FGD1: variants seen among roughly 807,000 people sequenced by gnomAD.
The protein encoded by FGD1 is FYVE, RhoGEF and PH domain containing 1, also known as FYVE, RhoGEF and PH domain-containing protein 1.
FGD1 carries 12 observed loss-of-function variants against 65.0 expected under a neutral mutation model. That is an observed-to-expected ratio of 0.18 (90% confidence interval 0.12 to 0.30). The LOEUF is 0.30. Ranked by LOEUF, FGD1 falls within the 10% of genes least tolerant of loss-of-function variation. The probability of loss-of-function intolerance (pLI) is 1.00; values close to 1 mark genes in which losing one functional copy is unlikely to be tolerated. For missense variants in FGD1, 542 were observed against 837.6 expected (o/e 0.65, Z 4.36); for synonymous variants, 333 against 343.9 (o/e 0.97, Z 0.35).
chrX:54,470,726 C>T lies in FGD1; in HGVS notation c.516G>A (p.Arg172=). The T allele has an allele frequency of 9.4e-7, 1 of 1,063,395 alleles. No homozygotes were observed. The highest frequency in any genetic ancestry group is 1.3e-6 in the Non-Finnish European group (1 of 788,750). 87.6% of individuals were successfully genotyped at this position (1,063,395 alleles called of 1,213,427 possible). The stretch of plus-strand genomic sequence containing the variant: ...GGATGGGCTCCAGTGGGGGGGGCAT[C>T]CGGGGCATCTGCAGGTAGCTGGGCT... The part of the protein sequence containing the change: ...PPKPSYLQMP[R]MPPPLEPIPP... The change falls in exon 3 of 18, where the codon CGG becomes CGA. Residue 172 remains arginine, a synonymous_variant. Transcript: ENST00000375135.
At chrX:54,486,676 C>T (rs893650134) in intron 1 of FGD1, among the ~76,000 whole-genome samples, 6 of 108,032 alleles carry the variant, frequency 5.6e-5, no homozygotes, top group African/African-American at 1.3e-4. Context: ...CCACCGTGCC[C>T]GGTCGATTTT....
At chrX:54,495,031 TC>T in intron 1 of FGD1, 94 bp downstream of exon 1, 3 of 969,489 alleles carry the variant, frequency 3.1e-6, no homozygotes, top group East Asian at 3.3e-5. Context: ...GCGAGCCTGT[TC>T]CGAGGTGGGG....
At chrX:54,447,284 A>C in intron 17 of FGD1, 27 bp downstream of exon 17, 1 of 1,210,049 alleles carries the variant, frequency 8.3e-7, no homozygotes, top group Non-Finnish European at 1.1e-6. Context: ...AGGTGGCTGA[A>C]AGGACCCGAA....
At chrX:54,477,425 C>T (rs961259941) in intron 1 of FGD1, among the ~76,000 whole-genome samples, 1 of 104,907 alleles carries the variant, frequency 9.5e-6, no homozygotes, top group African/African-American at 3.9e-5. Flanking sequence ...ATACAGGACA[C>T]TCAGTTAATT....
chrX:54,488,461 T>C (rs1465864325), intron 1 of FGD1, among the ~76,000 whole-genome samples: 2 of 107,493 alleles, frequency 1.9e-5, no homozygotes, highest in Non-Finnish European at 3.8e-5. Flanking sequence ...GGCGGGTGCC[T>C]GTAGTCCCAG....
intron 1 of FGD1, among the ~76,000 whole-genome samples, chrX:54,487,007 AAAC>A (rs932487637): frequency 3.9e-5 from 4 of 103,471 alleles, no homozygotes; most frequent in East Asian, 6.7e-4. Flanking sequence ...AAAACAAAGA[AAAC>A]AACAACAACA....
chrX:54,455,407 G>T (rs372160782), intron 12 of FGD1, 41 bp downstream of exon 12: 147 of 1,049,480 alleles, frequency 1.4e-4, no homozygotes, highest in Non-Finnish European at 1.7e-4. Context: ...GAACAAAAGG[G>T]AGGTAGGCGC....
In FGD1 at chrX:54,456,691, G is replaced by A. The variant is rs183122767; in HGVS notation, c.1637-124C>T. The A allele has an allele frequency of 4.2e-5, 22 of 526,216 alleles. No homozygotes were observed. The Admixed American group carries it at 5.4e-4, about 13-fold the overall frequency. 43.4% of individuals were successfully genotyped at this position (526,216 alleles called of 1,213,427 possible). ...TCTGTTGCCCAGGCTGGAGTGCAGCGGCATGATCACGGCTCACCACAACCT... is the reference window on the plus strand; with the variant it reads ...TCTGTTGCCCAGGCTGGAGTGCAGCAGCATGATCACGGCTCACCACAACCT... On this transcript the variant is annotated intron_variant, in intron 8 of 17. Transcript: ENST00000375135.
chrX:54,468,594 C>G (rs1922814288), intron 5 of FGD1, among the ~76,000 whole-genome samples, 193 bp downstream of exon 5: 1 of 110,752 alleles, frequency 9.0e-6, no homozygotes, highest in Non-Finnish European at 1.9e-5. Context: ...GGGTTGGTAT[C>G]AGCCCTCACT....
At chrX:54,466,409 G>A (rs1601953893) in intron 6 of FGD1, among the ~76,000 whole-genome samples, 1 of 111,897 alleles carries the variant, frequency 8.9e-6, no homozygotes, top group South Asian at 3.7e-4. Flanking sequence ...TGACTCTGTA[G>A]GTGTGGAGAA....
At chrX:54,454,928 C>T (rs1359565670) in intron 12 of FGD1, among the ~76,000 whole-genome samples, 1 of 112,156 alleles carries the variant, frequency 8.9e-6, no homozygotes, top group African/African-American at 3.2e-5. Flanking sequence ...ATAACATTAT[C>T]ACACCTAAGA....
rs796491256 is a variant in FGD1 at position 54,482,236 on chromosome X, G to GCGCA, written c.308-10750_308-10749insTGCG. Among the ~76,000 whole-genome samples, 675 of 99,379 alleles carry GCGCA rather than the reference G, an allele frequency of 6.8e-3. 8 individuals carry two copies. Among genetic ancestry groups the GCGCA allele is most frequent in the African/African-American group, 0.025 (645 of 25,989 alleles). The allele number at this position is 99,379 out of a possible 115,157, so 86.3% of individuals were successfully genotyped here. On this transcript the variant is annotated intron_variant, in intron 1 of 17. Transcript: ENST00000375135. ...CAGGCACATGCGCGCGCACACGCGC[G>GCGCA]CACACACACACACACACACACACAC...
chrX:54,454,122 C>T (rs143895391), intron 12 of FGD1, among the ~76,000 whole-genome samples: 12 of 111,091 alleles, frequency 1.1e-4, no homozygotes, highest in South Asian at 3.8e-4. Context: ...CACTTAACCA[C>T]GGGGATGTGT....
At chrX:54,474,764 G>C (rs1922981263) in intron 1 of FGD1, among the ~76,000 whole-genome samples, 1 of 112,755 alleles carries the variant, frequency 8.9e-6, no homozygotes, top group Non-Finnish European at 1.9e-5. Context: ...GCAAGGGAGA[G>C]AGACAGAGAG....
chrX:54,489,897 GT>G lies in FGD1; in HGVS notation c.307+5228del, dbSNP rs766810842. 5.5e-3 allele frequency among the ~76,000 whole-genome samples: 613 copies of G among 112,211 alleles called. 4 individuals are homozygous for G. The highest frequency in any genetic ancestry group is 9.5e-3 in the Non-Finnish European group (507 of 53,266). ...CACATGCATATGTATGTTCATCACA[GT>G]GCTATTCACAATATCGAAGACATGG... On this transcript the variant is annotated intron_variant, in intron 1 of 17. Coordinates refer to ENST00000375135, the MANE Select transcript of FGD1 (RefSeq NM_004463.3).
intron 8 of FGD1, among the ~76,000 whole-genome samples, chrX:54,458,490 G>A (rs1204828522): frequency 4.1e-5 from 4 of 96,579 alleles, no homozygotes; most frequent in Non-Finnish European, 8.0e-5. Flanking sequence ...GCAGTGAGCC[G>A]AGATCGCACC....
intron 1 of FGD1, among the ~76,000 whole-genome samples, chrX:54,475,695 C>G (rs888166761): frequency 2.7e-5 from 3 of 112,561 alleles, no homozygotes; most frequent in African/African-American, 9.7e-5. Context: ...AATGAACTTA[C>G]GTACAGTCCA....
At chrX:54,456,461 C>T in intron 9 of FGD1, 48 bp downstream of exon 9, 1 of 1,207,970 alleles carries the variant, frequency 8.3e-7, no homozygotes, top group Non-Finnish European at 1.1e-6. Context: ...GATGGAGACA[C>T]CACAGGTGGG....
intron 8 of FGD1, among the ~76,000 whole-genome samples, chrX:54,460,441 AAAAAAT>A (rs2147429560): frequency 9.1e-6 from 1 of 110,214 alleles, no homozygotes; most frequent in East Asian, 2.9e-4. Flanking sequence ...TCAGTCTCAA[AAAAAAT>A]AAAAATAAAA....
Sources: allele counts gnomAD v4.1 joint callset (sites outside exome capture counted in the v4.1 genomes callset), GRCh38; gene constraint gnomAD v4.1.1; transcripts MANE v1.5; gene names NCBI Gene and HGNC (gene_info 2026-07-23, HGNC 2026-07-21).